The following TVP23B variants were observed in gnomAD, a reference collection of about 807,000 sequenced individuals.
TVP23B encodes the protein trans-golgi network vesicle protein 23 homolog B.
In TVP23B, 10 loss-of-function variants were observed where a neutral mutation model predicts 30.6. The observed-to-expected ratio is 0.33, with a 90% CI of 0.20 to 0.55. The LOEUF (loss-of-function observed/expected upper bound fraction) is 0.55. TVP23B is among the 20% of genes least tolerant of loss of function. The probability of loss-of-function intolerance (pLI) is 0.91; values close to 1 mark genes in which losing one functional copy is unlikely to be tolerated. For missense variants in TVP23B, 153 were observed against 243.2 expected (o/e 0.63, Z 2.47); for synonymous variants, 67 against 83.1 (o/e 0.81, Z 1.06).
chr17:18,803,554 C>T (rs1313430298), intron 5 of TVP23B, among the ~76,000 whole-genome samples: 1 of 152,206 alleles, frequency 6.6e-6, no homozygotes, highest in Admixed American at 6.5e-5. Flanking sequence ...GAAAATGAAA[C>T]TCAAAGGAAC....
chr17:18,782,803 G>A (rs896792217), intron 1 of TVP23B, among the ~76,000 whole-genome samples: 8 of 151,842 alleles, frequency 5.3e-5, no homozygotes, highest in East Asian at 1.9e-4. Context: ...GGTCACTCTC[G>A]TGGCCATCTT....
At chr17:18,781,683 C>T (rs1567629576) in intron 1 of TVP23B, 1 of 303,472 alleles carries the variant, frequency 3.3e-6, no homozygotes, top group Non-Finnish European at 6.1e-6. Context: ...ATCGGCGACA[C>T]CGCCAGAGCC....
intron 1 of TVP23B, among the ~76,000 whole-genome samples, chr17:18,786,699 G>T (rs1266891392): frequency 6.6e-6 from 1 of 152,142 alleles, no homozygotes; most frequent in Non-Finnish European, 1.5e-5. Flanking sequence ...TGTAGCCAGG[G>T]TTGAGAACCA....
chr17:18,781,234 C>A lies in TVP23B; in HGVS notation c.-60C>A. 1.9e-6 allele frequency: 3 copies of A among 1,551,648 alleles called. No individual in the cohort carries two copies. Among genetic ancestry groups the A allele is most frequent in the Non-Finnish European group, 2.6e-6 (3 of 1,148,132 alleles). ...GTGACGGGTCGCCTCAGTTCCGACC[C>A]GGACCCGTACGCTGCTGCGCTGACG... On this transcript the variant is annotated 5_prime_UTR_variant, in exon 1 of 7. Coordinates refer to ENST00000307767, the MANE Select transcript of TVP23B (RefSeq NM_016078.6).
At chr17:18,790,411 C>T (rs577461772) in intron 2 of TVP23B, among the ~76,000 whole-genome samples, 1 of 147,004 alleles carries the variant, frequency 6.8e-6, no homozygotes, top group South Asian at 2.1e-4. Context: ...TTGCAGTGAG[C>T]CGAGATTGTG....
intron 1 of TVP23B, among the ~76,000 whole-genome samples, chr17:18,786,265 C>G (rs1003436520): frequency 1.3e-5 from 2 of 151,750 alleles, no homozygotes; most frequent in African/African-American, 2.4e-5. Flanking sequence ...AGTAAATTTA[C>G]ATATTCACAG....
intron 5 of TVP23B, among the ~76,000 whole-genome samples, chr17:18,799,681 A>G (rs2151850737): frequency 6.6e-6 from 1 of 151,764 alleles, no homozygotes; most frequent in Middle Eastern, 3.4e-3. Context: ...TTGTCACTTG[A>G]CCCAATTTGT....
At chr17:18,785,157 A>G (rs1053760953) in intron 1 of TVP23B, among the ~76,000 whole-genome samples, 8 of 152,040 alleles carry the variant, frequency 5.3e-5, no homozygotes, top group Non-Finnish European at 1.0e-4. Flanking sequence ...GATTTTTACT[A>G]CAGTAGCCAG....
chr17:18,800,532 T>C (rs926173279), intron 5 of TVP23B, among the ~76,000 whole-genome samples: 14 of 152,360 alleles, frequency 9.2e-5, no homozygotes, highest in African/African-American at 3.1e-4. Context: ...CACAGTTTGT[T>C]TCTTTTTGGA....
At chr17:18,800,289 T>C (rs962213404) in intron 5 of TVP23B, among the ~76,000 whole-genome samples, 8 of 152,236 alleles carry the variant, frequency 5.3e-5, no homozygotes, top group African/African-American at 1.9e-4. Context: ...GTTCCAATGT[T>C]ATTTTTGTGT....
chr17:18,798,930 G>C lies in TVP23B; in HGVS notation c.449G>C (p.Arg150Thr), dbSNP rs773241562. 16 of 1,612,778 alleles carry C rather than the reference G, an allele frequency of 9.9e-6. No individual in the cohort carries two copies. The highest frequency in any genetic ancestry group is 1.4e-5 in the Non-Finnish European group (16 of 1,179,570). The change falls in exon 5 of 7, where the codon AGA becomes ACA. Residue 150 changes from arginine (R) to threonine (T), a missense_variant. Around this residue, in one of 3 missense-constraint regions of TVP23B, gnomAD observed 62 missense variants for 74.3 expected, o/e 0.83. Transcript: ENST00000307767. ...IFAFSALFSF[R>T]VKWLAVVIMG... ...GCTTTTAGTGCACTCTTCTCCTTCAGAGTAAAGTGGTTGGTGAGTATCAGT... is the reference window on the plus strand; with the variant it reads ...GCTTTTAGTGCACTCTTCTCCTTCACAGTAAAGTGGTTGGTGAGTATCAGT...
chr17:18,782,156 T>C (rs959353600), intron 1 of TVP23B: 1 of 151,278 alleles, frequency 6.6e-6, no homozygotes, highest in African/African-American at 2.4e-5. Flanking sequence ...GTGGAGAAAA[T>C]CTAATAATGG....
chr17:18,793,138 G>A (rs1415141605), intron 3 of TVP23B, among the ~76,000 whole-genome samples: 1 of 152,158 alleles, frequency 6.6e-6, no homozygotes, highest in African/African-American at 2.4e-5. Context: ...CATGAGGCCT[G>A]TGGGCAGAGG....
intron 6 of TVP23B, among the ~76,000 whole-genome samples, chr17:18,804,786 C>T (rs1473941683): frequency 6.6e-6 from 1 of 152,056 alleles, no homozygotes; most frequent in East Asian, 1.9e-4. Context: ...GATGGGATTT[C>T]ATCGTGTTAG....
At chr17:18,788,025 C>T (rs1464080071) in intron 1 of TVP23B, among the ~76,000 whole-genome samples, 3 of 151,754 alleles carry the variant, frequency 2.0e-5, no homozygotes, top group Non-Finnish European at 4.4e-5. Flanking sequence ...TGAATTGAGG[C>T]GTGAACCACT....
chr17:18,801,585 T>C (rs937787705), intron 5 of TVP23B, among the ~76,000 whole-genome samples: 51 of 152,120 alleles, frequency 3.4e-4, no homozygotes, highest in African/African-American at 1.1e-3. Flanking sequence ...GCTGCCTGGT[T>C]TTGCGTTCTC....
intron 1 of TVP23B, among the ~76,000 whole-genome samples, chr17:18,784,839 T>C (rs1218341659): frequency 6.6e-6 from 1 of 152,182 alleles, no homozygotes; most frequent in Non-Finnish European, 1.5e-5. Context: ...CTTCTTATCT[T>C]TGTGATCTCT....
chr17:18,792,054 A>G (rs2036003912), intron 3 of TVP23B, among the ~76,000 whole-genome samples: 2 of 151,256 alleles, frequency 1.3e-5, no homozygotes, highest in Non-Finnish European at 2.9e-5. Context: ...TTTTTTTGAG[A>G]CGGAGTTTCA....
chr17:18,798,808 A>G lies in TVP23B; in HGVS notation c.331-4A>G, dbSNP rs761888163. The stretch of plus-strand genomic sequence containing the variant: ...ATGATAATTGAATTTATGTTCTTTT[A>G]TAGGAGTCCTCTCAAGAGAATAAAA... On this transcript the variant is annotated splice_region_variant and splice_polypyrimidine_tract_variant and intron_variant, in intron 4 of 6. Coordinates refer to ENST00000307767, the MANE Select transcript of TVP23B (RefSeq NM_016078.6). 4 of 1,600,182 alleles carry G rather than the reference A, an allele frequency of 2.5e-6. No homozygotes were observed. Among genetic ancestry groups the G allele is most frequent in the South Asian group, 2.2e-5 (2 of 88,980 alleles).
Sources: allele counts gnomAD v4.1 joint callset (sites outside exome capture counted in the v4.1 genomes callset), GRCh38; gene constraint gnomAD v4.1.1; regional missense constraint gnomAD v4.1.1; transcripts MANE v1.5; gene names NCBI Gene and HGNC (gene_info 2026-07-23, HGNC 2026-07-21).